Variants in VOPP1 observed in about 807,000 individuals in gnomAD.
VOPP1 encodes the protein WW domain binding protein VOPP1.
Under a neutral mutation model 23.5 loss-of-function variants are expected in VOPP1, and 8 were observed. The ratio of observed to expected loss-of-function variants is 0.34; its 90% confidence interval spans 0.20 to 0.61. The LOEUF is 0.61. Ranked by LOEUF, VOPP1 falls within the 20% of genes least tolerant of loss-of-function variation. The pLI is 0.78. For synonymous variants in VOPP1, 83 were observed against 97.3 expected, an observed-to-expected ratio of 0.85 and a Z score of 0.86; for missense variants, 174 against 238.1, an observed-to-expected ratio of 0.73 and a Z score of 1.77.
At chr7:55,438,041 A>G (rs1790874531) in intron 4 of VOPP1, among the ~76,000 whole-genome samples, 1 of 152,018 alleles carries the variant, frequency 6.6e-6, no homozygotes, top group South Asian at 2.1e-4. Context: ...ATTACAGATT[A>G]CAGGCGCCCC....
intron 1 of VOPP1, among the ~76,000 whole-genome samples, chr7:55,523,312 TCA>T (rs761479537): frequency 1.3e-5 from 2 of 152,074 alleles, no homozygotes; most frequent in Non-Finnish European, 2.9e-5. Context: ...ACAAAAAGAA[TCA>T]CAGTTTGCAC....
At chr7:55,570,257 A>C (rs1204154513) in intron 1 of VOPP1, among the ~76,000 whole-genome samples, 1 of 152,214 alleles carries the variant, frequency 6.6e-6, no homozygotes, top group African/African-American at 2.4e-5. Context: ...ATGATGAAGA[A>C]ATCTCCTTAA....
At chr7:55,505,422 C>G (rs576504340) in intron 2 of VOPP1, among the ~76,000 whole-genome samples, 1 of 152,188 alleles carries the variant, frequency 6.6e-6, no homozygotes, top group Non-Finnish European at 1.5e-5. Context: ...CCTGGCTTAG[C>G]TGCAAGGACT....
At chr7:55,492,141 G>T in intron 4 of VOPP1, 141 bp downstream of exon 4, 1 of 1,202,676 alleles carries the variant, frequency 8.3e-7, no homozygotes, top group Non-Finnish European at 1.1e-6. Flanking sequence ...GCACAATGGA[G>T]CTGGTCATCA....
intron 3 of VOPP1, among the ~76,000 whole-genome samples, chr7:55,494,235 C>T (rs1301204304): frequency 6.6e-6 from 1 of 152,204 alleles, no homozygotes; most frequent in Non-Finnish European, 1.5e-5. Flanking sequence ...AAACCGATTT[C>T]CCTCAGGTGG....
chr7:55,451,946 A>G (rs1248416728), intron 4 of VOPP1, among the ~76,000 whole-genome samples: 1 of 152,134 alleles, frequency 6.6e-6, no homozygotes, highest in Non-Finnish European at 1.5e-5. Flanking sequence ...GGCTGTGGCA[A>G]TTTCTTAAAA....
chr7:55,435,737 G>A (rs953090435), downstream of VOPP1, among the ~76,000 whole-genome samples: 1 of 152,256 alleles, frequency 6.6e-6, no homozygotes, highest in African/African-American at 2.4e-5. Context: ...CCTGAGATCA[G>A]TCGGCTTCAC....
At chr7:55,525,201 A>G (rs7785000) in intron 1 of VOPP1, among the ~76,000 whole-genome samples, 52,318 of 151,894 alleles carry the variant, frequency 0.34, 9,496 homozygotes, top group African/African-American at 0.46. Flanking sequence ...GTAAGAGTAC[A>G]GACTCTCGGC....
At chr7:55,527,472 C>A (rs1226805901) in intron 1 of VOPP1, among the ~76,000 whole-genome samples, 1 of 152,216 alleles carries the variant, frequency 6.6e-6, no homozygotes, top group Non-Finnish European at 1.5e-5. Context: ...TCCGGGGATG[C>A]AGGCTGTAAA....
At chr7:55,482,482 AT>A (rs71031859) in intron 4 of VOPP1, among the ~76,000 whole-genome samples, 5,109 of 132,638 alleles carry the variant, frequency 0.039, 102 homozygotes, top group African/African-American at 0.098. Context: ...CACCTGGCTA[AT>A]TTTTTTTTTT....
chr7:55,475,265 G>C (rs1792151306), intron 4 of VOPP1, among the ~76,000 whole-genome samples: 1 of 152,174 alleles, frequency 6.6e-6, no homozygotes, highest in South Asian at 2.1e-4. Context: ...TACTAGCTGG[G>C]AGCTGGTGCA....
chr7:55,496,363 G>A (rs537088400), intron 3 of VOPP1, among the ~76,000 whole-genome samples: 137 of 152,170 alleles, frequency 9.0e-4, no homozygotes, highest in Non-Finnish European at 1.3e-3. Context: ...GGCCCTCCCC[G>A]TCTCTGGTAC....
At chr7:55,453,728 A>G (rs745953745) in intron 4 of VOPP1, among the ~76,000 whole-genome samples, 1 of 152,344 alleles carries the variant, frequency 6.6e-6, no homozygotes, top group Non-Finnish European at 1.5e-5. Context: ...GAATTACCAA[A>G]TGAGACATAG....
rs559230427 is a variant in VOPP1, at chr7:55,464,359, C to T, written n.417+27923G>A. Reference sequence around the variant, plus strand: ...GTCCCCTTTATGGCATGCTTGGGTGCCGGTGGTGGTGATAGGTGCAGCAGA... The same window carrying T: ...GTCCCCTTTATGGCATGCTTGGGTGTCGGTGGTGGTGATAGGTGCAGCAGA... On this transcript the variant is annotated intron_variant and non_coding_transcript_variant, in intron 4 of 4. Transcript: ENST00000462326. 2.1e-3 allele frequency among the ~76,000 whole-genome samples: 314 copies of T among 152,166 alleles called. 2 individuals carry two copies. Among genetic ancestry groups the T allele is most frequent in the African/African-American group, 7.2e-3 (297 of 41,486 alleles).
At chr7:55,537,824 A>C in intron 1 of VOPP1, 1 of 774,488 alleles carries the variant, frequency 1.3e-6, no homozygotes, top group Non-Finnish European at 1.8e-6. Context: ...TCCAACTTCC[A>C]CTACTTCAAA....
At chr7:55,526,319 T>C (rs1487355821) in intron 1 of VOPP1, among the ~76,000 whole-genome samples, 1 of 152,186 alleles carries the variant, frequency 6.6e-6, no homozygotes, top group East Asian at 1.9e-4. Flanking sequence ...TATATGTAGT[T>C]AAGCCATCCC....
chr7:55,495,576 C>T (rs890339435), intron 3 of VOPP1, among the ~76,000 whole-genome samples: 2 of 152,216 alleles, frequency 1.3e-5, no homozygotes, highest in East Asian at 1.9e-4. Context: ...GTAGCTTTCT[C>T]CAACTTTTCT....
chr7:55,512,147 C>G (rs1476795795), intron 2 of VOPP1, among the ~76,000 whole-genome samples: 3 of 152,218 alleles, frequency 2.0e-5, no homozygotes, highest in African/African-American at 4.8e-5. Flanking sequence ...TCAAGCTCAG[C>G]TGGGAGCAGT....
At chr7:55,509,824 C>G (rs1273836719) in intron 2 of VOPP1, among the ~76,000 whole-genome samples, 1 of 152,146 alleles carries the variant, frequency 6.6e-6, no homozygotes, top group Non-Finnish European at 1.5e-5. Flanking sequence ...CTCTGTCTTC[C>G]CAACCAGAAA....
Sources: allele counts gnomAD v4.1 joint callset (sites outside exome capture counted in the v4.1 genomes callset), GRCh38; gene constraint gnomAD v4.1.1; transcripts MANE v1.5; gene names NCBI Gene and HGNC (gene_info 2026-07-23, HGNC 2026-07-21).